Variants in GREM2 observed in about 807,000 individuals in gnomAD.
GREM2 encodes gremlin 2, DAN family BMP antagonist.
Under a neutral mutation model 14.2 loss-of-function variants are expected in GREM2, and 11 were observed. The observed-to-expected ratio is 0.78, with a 90% CI of 0.49 to 1.28. The LOEUF is 1.28. GREM2 is among the 50% of genes most tolerant of loss of function. GREM2 has a pLI of 0.00. For missense variants in GREM2, 210 were observed against 218.5 expected (o/e 0.96, Z 0.24); for synonymous variants, 98 against 97.6 (o/e 1.00, Z -0.02).
At chr1:240,531,695 T>C in intron 1 of GREM2, 14 of 961,030 alleles carry the variant, frequency 1.5e-5, no homozygotes, top group Non-Finnish European at 1.7e-5. Flanking sequence ...CATTTTTCTT[T>C]TCTTTTCTTT....
At position 240,547,532 on chromosome 1, in the gene GREM2, T is replaced by TATATAGACAGATAGATAGATAG. The variant is rs1187770486; in HGVS notation, c.-1-54057_-1-54056insCTATCTATCTATCTGTCTATAT. Among the ~76,000 whole-genome samples the TATATAGACAGATAGATAGATAG allele has an allele frequency of 3.1e-4, 38 of 121,876 alleles. 1 individual carries two copies. Among genetic ancestry groups the TATATAGACAGATAGATAGATAG allele is most frequent in the African/African-American group, 1.3e-3 (34 of 27,086 alleles). The allele number at this position is 121,876 out of a possible 152,430, so 80.0% of individuals were successfully genotyped here. ...AAAAAAAAATATATATATATATATA[T>TATATAGACAGATAGATAGATAG]ATAGATAGATAGATAGATAGATAGA... is the stretch of plus-strand genomic sequence containing the variant. On this transcript the variant is annotated intron_variant, in intron 1 of 1. Coordinates refer to ENST00000318160, the MANE Select transcript of GREM2 (RefSeq NM_022469.4).
At chr1:240,528,000 G>A (rs959006566) in intron 1 of GREM2, among the ~76,000 whole-genome samples, 11 of 152,118 alleles carry the variant, frequency 7.2e-5, no homozygotes, top group Non-Finnish European at 7.4e-5. Context: ...ATAATTTTCA[G>A]AGATACAGAA....
intron 1 of GREM2, among the ~76,000 whole-genome samples, chr1:240,528,777 T>C (rs908950278): frequency 6.6e-6 from 1 of 152,192 alleles, no homozygotes; most frequent in African/African-American, 2.4e-5. Flanking sequence ...GCCTGCCTGC[T>C]GGGGTTTTAT....
At chr1:240,509,413 G>A (rs1222381605) in intron 1 of GREM2, among the ~76,000 whole-genome samples, 1 of 148,478 alleles carries the variant, frequency 6.7e-6, no homozygotes, top group African/African-American at 2.5e-5. Flanking sequence ...TTGTTGCCCA[G>A]GCTGGAGTGC....
chr1:240,534,811 G>A lies in GREM2; in HGVS notation c.-1-41335C>T, dbSNP rs116201450. 1.9e-3 allele frequency among the ~76,000 whole-genome samples: 288 copies of A among 152,266 alleles called. 1 individual carries two copies. The highest frequency in any genetic ancestry group is 6.6e-3 in the African/African-American group (275 of 41,562). On this transcript the variant is annotated intron_variant, in intron 1 of 1. Coordinates refer to ENST00000318160, the MANE Select transcript of GREM2 (RefSeq NM_022469.4). ...AATCACCCTGGTAGGAAAAAGTGAGGGCCTGAACAAGGCATTGGTGTATGG... is the reference window on the plus strand; with the variant it reads ...AATCACCCTGGTAGGAAAAAGTGAGAGCCTGAACAAGGCATTGGTGTATGG...
intron 1 of GREM2, among the ~76,000 whole-genome samples, chr1:240,495,884 A>G (rs1458553195): frequency 1.3e-5 from 2 of 152,108 alleles, no homozygotes; most frequent in Non-Finnish European, 2.9e-5. Context: ...AAGCACTGTC[A>G]TAGGCTTTGT....
intron 1 of GREM2, among the ~76,000 whole-genome samples, chr1:240,498,812 G>A (rs1478227893): frequency 6.6e-6 from 1 of 152,208 alleles, no homozygotes; most frequent in Non-Finnish European, 1.5e-5. Context: ...TATTTGGCTT[G>A]TATCAGAAGA....
rs1360420060 is a variant in GREM2 at position 240,540,690 on chromosome 1, G to C, written c.-1-47214C>G. Among the ~76,000 whole-genome samples, 1 of 151,936 alleles carries C rather than the reference G, an allele frequency of 6.6e-6. No homozygotes were observed. On this transcript the variant is annotated intron_variant, in intron 1 of 1. Transcript: ENST00000318160. The surrounding 1 kb of genome is among the most constrained non-coding windows in gnomAD (Gnocchi z 4.2). ...AGATTCTCCTGCCTCAGCCTCCTGA[G>C]TAGCTGGGACTACAGGCATGCATCA...
chr1:240,599,983 G>A (rs6429214), intron 1 of GREM2, among the ~76,000 whole-genome samples: 116,114 of 152,086 alleles, frequency 0.76, 45,387 homozygotes, highest in African/African-American at 0.94. Context: ...TTCTCCCCCA[G>A]TCTGGCACAT....
chr1:240,570,773 G>T (rs1402086572), intron 1 of GREM2, among the ~76,000 whole-genome samples: 1 of 152,116 alleles, frequency 6.6e-6, no homozygotes, highest in East Asian at 1.9e-4. Context: ...ATGCAAATAA[G>T]ATCCAAGTAT....
intron 1 of GREM2, among the ~76,000 whole-genome samples, chr1:240,564,114 C>T (rs2103355357): frequency 6.6e-6 from 1 of 152,200 alleles, no homozygotes; most frequent in Non-Finnish European, 1.5e-5. Flanking sequence ...GAGGCTGAGG[C>T]AGGAGGATCG....
At chr1:240,556,899 G>A (rs1398585987) in intron 1 of GREM2, among the ~76,000 whole-genome samples, 1 of 152,162 alleles carries the variant, frequency 6.6e-6, no homozygotes, top group Non-Finnish European at 1.5e-5. Flanking sequence ...GTCTGGGCGT[G>A]GTGGCTCAGG....
chr1:240,528,141 A>T (rs1678267579), intron 1 of GREM2, among the ~76,000 whole-genome samples: 1 of 152,210 alleles, frequency 6.6e-6, no homozygotes, highest in Non-Finnish European at 1.5e-5. Flanking sequence ...TAAACTTCTT[A>T]TTCCTCTGTT....
At chr1:240,604,769 C>T (rs367700540) in intron 1 of GREM2, among the ~76,000 whole-genome samples, 1 of 152,288 alleles carries the variant, frequency 6.6e-6, no homozygotes, top group African/African-American at 2.4e-5. Context: ...ACCAGCTTGG[C>T]AAACATGGTG....
chr1:240,536,311 A>G (rs1678467610), intron 1 of GREM2, among the ~76,000 whole-genome samples: 1 of 152,216 alleles, frequency 6.6e-6, no homozygotes, highest in Non-Finnish European at 1.5e-5. Flanking sequence ...CAAATCCTGA[A>G]GTAAGGTCTG....
In GREM2 at chr1:240,493,170, GT is replaced by G; in HGVS notation, c.305del (p.Asn102ThrfsTer9). On this transcript the variant is annotated frameshift_variant, in exon 2 of 2. Transcript: ENST00000318160. LOFTEE classifies it high-confidence loss of function. ...ILNRFCYGQC[N>X]SFYIPRHVKK... Reference sequence around the variant, plus strand: ...TCACGTGCCGCGGGATGTAGAAGGAGTTGCACTGGCCGTAGCAGAAGCGGTT... The same window carrying G: ...TCACGTGCCGCGGGATGTAGAAGGAGTGCACTGGCCGTAGCAGAAGCGGTT... The G allele has an allele frequency of 6.2e-7, 1 of 1,614,206 alleles. No homozygotes were observed. The highest frequency in any genetic ancestry group is 8.5e-7 in the Non-Finnish European group (1 of 1,180,032).
intron 1 of GREM2, among the ~76,000 whole-genome samples, chr1:240,545,872 T>C (rs1396974999): frequency 6.6e-6 from 1 of 152,236 alleles, no homozygotes; most frequent in Non-Finnish European, 1.5e-5. Flanking sequence ...GGAGCACCCC[T>C]GCTTTGCATA....
intron 1 of GREM2, among the ~76,000 whole-genome samples, chr1:240,496,471 C>A (rs1677420244): frequency 6.6e-6 from 1 of 152,206 alleles, no homozygotes. Flanking sequence ...TCGGTTACCA[C>A]CTCTGTAGCG....
chr1:240,589,456 GAAA>G (rs1341677156), intron 1 of GREM2, among the ~76,000 whole-genome samples: 1 of 147,554 alleles, frequency 6.8e-6, no homozygotes, highest in East Asian at 2.0e-4. Flanking sequence ...AAAAAAAAAA[GAAA>G]AAAAAGAAAA....
Sources: gnomAD v4.1 joint callset for allele counts (sites outside exome capture counted in the v4.1 genomes callset) on GRCh38, gnomAD v4.1.1 for gene constraint, Gnocchi (gnomAD v3.1) non-coding constraint, MANE v1.5 for transcripts, NCBI Gene and HGNC (gene_info 2026-07-23, HGNC 2026-07-21) for gene names.